The following ARHGAP24 variants were observed in gnomAD, a reference collection of about 807,000 sequenced individuals.
ARHGAP24 encodes the protein Rho GTPase activating protein 24.
ARHGAP24 carries 50 observed loss-of-function variants against 76.4 expected under a neutral mutation model. The observed-to-expected ratio is 0.65, with a 90% CI of 0.52 to 0.83. The LOEUF (loss-of-function observed/expected upper bound fraction) is 0.83. Ranked by LOEUF, ARHGAP24 falls within the 40% of genes least tolerant of loss-of-function variation. ARHGAP24 has a pLI of 0.00. For missense variants in ARHGAP24, 930 were observed against 914.2 expected (o/e 1.02, Z -0.22); for synonymous variants, 345 against 323.3 (o/e 1.07, Z -0.72).
chr4:85,662,515 AG>A lies in ARHGAP24; in HGVS notation c.181-59369del, dbSNP rs758246625. Reference sequence around the variant, plus strand: ...TTCTTTTGCTGTGCAGAAGCTCTTTAGTTTAATTAGATCCCATTTGTCAATT... The same window carrying A: ...TTCTTTTGCTGTGCAGAAGCTCTTTATTTAATTAGATCCCATTTGTCAATT... On this transcript the variant is annotated intron_variant, in intron 2 of 9. Transcript: ENST00000395184. Among the ~76,000 whole-genome samples, 488 of 151,364 alleles carry A rather than the reference AG, an allele frequency of 3.2e-3. 2 individuals carry two copies. Among genetic ancestry groups the A allele is most frequent in the Admixed American group, 5.4e-3 (82 of 15,270 alleles).
At chr4:85,783,644 A>G (rs10516757) in intron 3 of ARHGAP24, among the ~76,000 whole-genome samples, 14,808 of 152,202 alleles carry the variant, frequency 0.097, 948 homozygotes, top group South Asian at 0.2. Context: ...TAAGAGGTCA[A>G]TCATGTACCC....
At chr4:85,945,829 A>G (rs1410531569) in intron 5 of ARHGAP24, among the ~76,000 whole-genome samples, 2 of 152,030 alleles carry the variant, frequency 1.3e-5, no homozygotes, top group South Asian at 4.1e-4. Context: ...CTTAATATTT[A>G]AAATAAATGT....
chr4:85,717,463 A>G (rs1267058147), intron 2 of ARHGAP24, among the ~76,000 whole-genome samples: 1 of 152,128 alleles, frequency 6.6e-6, no homozygotes, highest in Non-Finnish European at 1.5e-5. Context: ...CCTGGCTCTC[A>G]GCTGCTACAG....
intron 4 of ARHGAP24, among the ~76,000 whole-genome samples, chr4:85,928,118 T>C (rs1736113639): frequency 6.6e-6 from 1 of 152,166 alleles, no homozygotes; most frequent in Non-Finnish European, 1.5e-5. Flanking sequence ...GCTCCTCTAG[T>C]AATAATGCTA....
chr4:85,922,206 T>C (rs1735757216), intron 3 of ARHGAP24, among the ~76,000 whole-genome samples: 1 of 152,222 alleles, frequency 6.6e-6, no homozygotes, highest in Non-Finnish European at 1.5e-5. Flanking sequence ...CTGGTTGGCT[T>C]ATAGTTATTG....
intron 2 of ARHGAP24, among the ~76,000 whole-genome samples, chr4:85,678,836 C>T (rs1723094401): frequency 1.3e-5 from 2 of 152,080 alleles, no homozygotes; most frequent in Non-Finnish European, 2.9e-5. Context: ...CCAAAATGGA[C>T]ATTTTGTTAT....
At chr4:85,778,607 T>A in intron 3 of ARHGAP24, 5 of 891,066 alleles carry the variant, frequency 5.6e-6, no homozygotes, top group Non-Finnish European at 6.7e-6. Context: ...ATTTCTTATT[T>A]TGTTTTGTTT....
intron 5 of ARHGAP24, among the ~76,000 whole-genome samples, chr4:85,968,600 A>G (rs1232548097): frequency 2.6e-5 from 4 of 152,172 alleles, no homozygotes; most frequent in Non-Finnish European, 5.9e-5. Context: ...GATATTTTTC[A>G]GAGAAACGCC....
intron 5 of ARHGAP24, among the ~76,000 whole-genome samples, chr4:85,954,581 C>G (rs1304728599): frequency 1.3e-5 from 2 of 152,210 alleles, no homozygotes; most frequent in Non-Finnish European, 2.9e-5. Context: ...GTGCTCCCTT[C>G]GGCAGCACAT....
rs112457617 is a variant in ARHGAP24 at position 85,971,938 on chromosome 4, A to G, written c.600-98A>G. The G allele has an allele frequency of 1.0e-3, 1,636 of 1,574,824 alleles. 25 individuals carry two copies. In the African/African-American group the frequency reaches 0.018, roughly 17 times the overall value. On this transcript the variant is annotated intron_variant, in intron 5 of 9. Transcript: ENST00000395184. ...ACTGGGTTGATTCATTCAATTGCCA[A>G]CTTGGATAGAATTCTGACTCCTGGG... is the stretch of plus-strand genomic sequence containing the variant.
Position 85,850,107 on chromosome 4 carries a change from T to G in ARHGAP24, c.269-73541T>G, listed in dbSNP as rs554302380. Among the ~76,000 whole-genome samples the G allele has an allele frequency of 1.3e-4, 20 of 152,300 alleles. No homozygotes were observed. In the East Asian group the frequency reaches 3.9e-3, roughly 29 times the overall value. ...CTTTTTTTGGTTGGTAGGCTATTAATTATTGCCTTAATTTCAGAACCTGTT... is the reference window on the plus strand; with the variant it reads ...CTTTTTTTGGTTGGTAGGCTATTAAGTATTGCCTTAATTTCAGAACCTGTT... On this transcript the variant is annotated intron_variant, in intron 3 of 9. Transcript: ENST00000395184.
At chr4:85,625,299 A>G (rs1720901984) in intron 2 of ARHGAP24, among the ~76,000 whole-genome samples, 1 of 152,162 alleles carries the variant, frequency 6.6e-6, no homozygotes, top group Non-Finnish European at 1.5e-5. Flanking sequence ...TTCAAAGAAC[A>G]TCATTATTTC....
chr4:85,570,717 C>T lies in ARHGAP24; in HGVS notation c.176C>T (p.Pro59Leu), dbSNP rs1560537021. 6.2e-7 allele frequency: 1 copy of T among 1,613,866 alleles called. No individual in the cohort carries two copies. The highest frequency in any genetic ancestry group is 8.5e-7 in the Non-Finnish European group (1 of 1,179,936). Residue 59 changes from proline (P) to leucine (L), a missense_variant, in exon 2 of 10, where the codon CCC (proline) becomes CTC (leucine). Transcript: ENST00000395184. ...YYFKDEDETKPLGTIFLPGNK... is the reference protein window; with the variant it reads ...YYFKDEDETKLLGTIFLPGNK... ...TTCAAAGATGAAGATGAAACCAAGC[C>T]CTTGGTGAGTAGGAGAAAATGTAAA...
At chr4:85,617,904 T>C (rs1313445186) in intron 2 of ARHGAP24, among the ~76,000 whole-genome samples, 1 of 152,182 alleles carries the variant, frequency 6.6e-6, no homozygotes, top group Admixed American at 6.5e-5. Context: ...TACAATGTGG[T>C]CTTTTGATAT....
At position 85,995,585 on chromosome 4, in the gene ARHGAP24, T is replaced by C; in HGVS notation, c.1931T>C (p.Leu644Pro). The C allele has an allele frequency of 1.2e-6, 2 of 1,613,914 alleles. No individual in the cohort carries two copies. The highest frequency in any genetic ancestry group is 1.7e-6 in the Non-Finnish European group (2 of 1,179,968). The change falls in exon 9 of 10, where the codon CTG (leucine) becomes CCG (proline). Residue 644 changes from leucine (L) to proline (P), a missense_variant. Transcript: ENST00000395184. ...AACAGCAGCAGCAACCACAGTGCAC[T>C]GCACAGTTTAGTTTCCAGCCTGAAA... is the stretch of plus-strand genomic sequence containing the variant. The part of the protein sequence containing the change: ...VGNSSSNHSA[L>P]HSLVSSLKQE...
chr4:85,658,177 G>A (rs966854639), intron 2 of ARHGAP24, among the ~76,000 whole-genome samples: 14 of 152,116 alleles, frequency 9.2e-5, no homozygotes, highest in African/African-American at 3.4e-4. Flanking sequence ...GTTGAATAAA[G>A]TATCTATAAA....
intron 3 of ARHGAP24, among the ~76,000 whole-genome samples, chr4:85,769,622 T>C (rs1727055466): frequency 6.6e-6 from 1 of 152,072 alleles, no homozygotes; most frequent in Non-Finnish European, 1.5e-5. Flanking sequence ...TAATCCTTTT[T>C]TTCTTTCTTC....
At chr4:85,691,076 G>T (rs1279917541) in intron 2 of ARHGAP24, among the ~76,000 whole-genome samples, 3 of 151,898 alleles carry the variant, frequency 2.0e-5, no homozygotes, top group East Asian at 1.9e-4. Flanking sequence ...ATAATTTTTT[G>T]ATTTATGCCT....
chr4:85,932,406 T>C (rs1018966095), intron 4 of ARHGAP24, among the ~76,000 whole-genome samples: 1 of 151,810 alleles, frequency 6.6e-6, no homozygotes, highest in African/African-American at 2.4e-5. Context: ...ATGAGATGTC[T>C]GGAGGATTAT....
Sources: allele counts gnomAD v4.1 joint callset (sites outside exome capture counted in the v4.1 genomes callset), GRCh38; gene constraint gnomAD v4.1.1; transcripts MANE v1.5; gene names NCBI Gene and HGNC (gene_info 2026-07-23, HGNC 2026-07-21).